CHMP7: variants seen among roughly 807,000 people sequenced by gnomAD.
CHMP7 encodes charged multivesicular body protein 7.
Under a neutral mutation model 53.7 loss-of-function variants are expected in CHMP7, and 15 were observed. The observed-to-expected ratio is 0.28, with a 90% confidence interval of 0.19 to 0.43. The LOEUF is 0.43. Ranked by LOEUF, CHMP7 falls within the 20% of genes least tolerant of loss-of-function variation. The pLI, the probability that CHMP7 is intolerant of heterozygous loss-of-function variation, is 1.00. For synonymous variants in CHMP7, 261 were observed against 228.0 expected (o/e 1.14, Z -1.30); for missense variants, 527 against 569.4 (o/e 0.93, Z 0.76).
At chr8:23,258,963 A>G in intron 8 of CHMP7, 103 bp from the exon 9 acceptor site, 1 of 1,056,202 alleles carries the variant, frequency 9.5e-7, no homozygotes, top group Admixed American at 1.7e-5. Context: ...CTTGATTCTC[A>G]CTTGGGGCAG....
At chr8:23,252,195 C>CTTTTTTTTTTTTTTT (rs373288680) in intron 3 of CHMP7, among the ~76,000 whole-genome samples, 11,373 of 103,718 alleles carry the variant, frequency 0.11, 2,546 homozygotes, top group Non-Finnish European at 0.18. Context: ...ATTGTGTTAT[C>CTTTTTTTTTTTTTTT]TTTTTTTTTT....
rs1342419355 is a variant in CHMP7, at chr8:23,260,574, T to G, written c.1337T>G (p.Leu446Trp). The change falls in exon 11 of 11, where the codon TTG becomes TGG. Residue 446 changes from leucine (L) to tryptophan (W), a missense_variant. Leu to Trp is a moderately conservative substitution (Grantham distance 61). Coordinates refer to ENST00000397677, the MANE Select transcript of CHMP7 (RefSeq NM_152272.5). ...VPSSKSPKRQ[L>W]EPTLKPL Reference sequence around the variant, plus strand: ...AGCAGTAAATCTCCAAAAAGGCAATTGGAACCGACTCTAAAGCCATTGTAG... The same window carrying G: ...AGCAGTAAATCTCCAAAAAGGCAATGGGAACCGACTCTAAAGCCATTGTAG... The G allele has an allele frequency of 1.2e-6, 2 of 1,613,840 alleles. No homozygotes were observed. Among genetic ancestry groups the G allele is most frequent in the South Asian group, 1.1e-5 (1 of 91,084 alleles).
At position 23,259,102 on chromosome 8, in the gene CHMP7, G is replaced by T; in HGVS notation, c.1096G>T (p.Ala366Ser). The change falls in exon 9 of 11, where the codon GCT becomes TCT. Residue 366 changes from alanine (A) to serine (S), a missense_variant. Physicochemically the swap from Ala to Ser is moderately conservative, Grantham distance 99. Coordinates refer to ENST00000397677, the MANE Select transcript of CHMP7 (RefSeq NM_152272.5). ...DTQDEVSQTL[A>S]GGVTNGLDFD... ...CCAGGATGAAGTTTCTCAGACTCTG[G>T]CTGGTGGGGTAACAAATGGCTTAGG... is the stretch of plus-strand genomic sequence containing the variant. 3 of 1,606,732 alleles carry T rather than the reference G, an allele frequency of 1.9e-6. No homozygotes were observed. Among genetic ancestry groups the T allele is most frequent in the Non-Finnish European group, 2.6e-6 (3 of 1,173,356 alleles).
In CHMP7 at chr8:23,256,894, G is replaced by A. The variant is rs567894597; in HGVS notation, c.791+301G>A. 3.0e-4 allele frequency among the ~76,000 whole-genome samples: 44 copies of A among 146,588 alleles called. No homozygotes were observed. In the South Asian group the frequency reaches 9.3e-3, roughly 31 times the overall value. On this transcript the variant is annotated intron_variant, in intron 5 of 10. Transcript: ENST00000397677. ...TGCAAGCTCCGCCTCCTGGGTTCAC[G>A]CCATTTTCCTGCGCCAGCCTCCCGA...
In CHMP7 at chr8:23,258,424, T is replaced by G; in HGVS notation, c.935T>G (p.Ile312Ser). The change falls in exon 7 of 11, where the codon ATC becomes AGC. Residue 312 changes from isoleucine (I) to serine (S), a missense_variant. Physicochemically the swap from Ile to Ser is moderately radical, Grantham distance 142 (BLOSUM62 -2). Transcript: ENST00000397677. ...ACTGTTCAAGGCATCCTGGACCGGA[T>G]CTATGCCTCCCAGACAGATCAGATG... ...LDTVQGILDR[I>S]YASQTDQMVF... The G allele has an allele frequency of 1.2e-6, 2 of 1,614,056 alleles. No homozygotes were observed. The highest frequency in any genetic ancestry group is 1.7e-6 in the Non-Finnish European group (2 of 1,180,008).
intron 2 of CHMP7, among the ~76,000 whole-genome samples, chr8:23,248,451 C>A (rs944438907): frequency 6.6e-6 from 1 of 152,204 alleles, no homozygotes; most frequent in Non-Finnish European, 1.5e-5. Context: ...TACTTTTGCA[C>A]CAACCTAATA....
chr8:23,248,450 A>G (rs1351964091), intron 2 of CHMP7, among the ~76,000 whole-genome samples: 1 of 152,200 alleles, frequency 6.6e-6, no homozygotes, highest in Non-Finnish European at 1.5e-5. Flanking sequence ...TTACTTTTGC[A>G]CCAACCTAAT....
At position 23,260,992 on chromosome 8, in the gene CHMP7, G is replaced by T. The variant is rs1479434683; in HGVS notation, c.*393G>T. On this transcript the variant is annotated 3_prime_UTR_variant, in exon 11 of 11. Transcript: ENST00000397677. ...GAATCAGTTCCCACTCCCCCCTGCG[G>T]TTTTTTAGAGGGGTTTATCCTGTCG... 3.4e-5 allele frequency: 8 copies of T among 237,118 alleles called. No individual in the cohort carries two copies. Among genetic ancestry groups the T allele is most frequent in the Non-Finnish European group, 5.0e-5 (6 of 120,730 alleles). The allele number at this position is 237,118 out of a possible 1,614,324, so 14.7% of individuals were successfully genotyped here.
intron 2 of CHMP7, chr8:23,248,022 G>C (rs967136764): frequency 1.8e-5 from 8 of 455,574 alleles, no homozygotes; most frequent in Non-Finnish European, 3.1e-5. Flanking sequence ...ATATTGCCCA[G>C]GATGGTCTCG....
rs1801690883 is a variant in CHMP7 at position 23,246,576 on chromosome 8, G to T, written c.-120G>T. On this transcript the variant is annotated 5_prime_UTR_variant, in exon 2 of 11. Transcript: ENST00000397677. Reference sequence around the variant, plus strand: ...CTTATGGAACTTATTTCACGCTCAGGGCGGCGGTGACGTGTGAACGAGAAG... The same window carrying T: ...CTTATGGAACTTATTTCACGCTCAGTGCGGCGGTGACGTGTGAACGAGAAG... The T allele has an allele frequency of 6.3e-6, 5 of 795,048 alleles. No homozygotes were observed. Among genetic ancestry groups the T allele is most frequent in the Non-Finnish European group, 9.8e-6 (5 of 509,360 alleles). 49.2% of individuals were successfully genotyped at this position (795,048 alleles called of 1,614,324 possible).
chr8:23,251,884 A>G lies in CHMP7; in HGVS notation c.471+2503A>G, dbSNP rs151139304. Among the ~76,000 whole-genome samples, 19 of 152,128 alleles carry G rather than the reference A, an allele frequency of 1.2e-4. 1 individual carries two copies. The highest frequency in any genetic ancestry group is 3.4e-3 in the Middle Eastern group (1 of 294). On this transcript the variant is annotated intron_variant, in intron 3 of 10. Coordinates refer to ENST00000397677, the MANE Select transcript of CHMP7 (RefSeq NM_152272.5). The stretch of plus-strand genomic sequence containing the variant: ...CAGAGATCTATGTACTTCTCCCTTT[A>G]TTTTTATGGAATTGATTTTTCGGAA...
chr8:23,246,989 G>C lies in CHMP7; in HGVS notation c.294G>C (p.Leu98=). 6.5e-7 allele frequency: 1 copy of C among 1,531,088 alleles called. No individual in the cohort carries two copies. The highest frequency in any genetic ancestry group is 1.2e-5 in the South Asian group (1 of 83,430). 94.8% of individuals were successfully genotyped at this position (1,531,088 alleles called of 1,614,324 possible). ...GGCTGGCCACGGTGCTGCAGGACCT[G>C]CTGCGGTGAGGGGCGGGCTGGGGCC... is the stretch of plus-strand genomic sequence containing the variant. ...PLGLATVLQD[L]LRRGELQRES... The change falls in exon 2 of 11, where the codon CTG becomes CTC. Residue 98 remains leucine (L), a synonymous_variant. Coordinates refer to ENST00000397677, the MANE Select transcript of CHMP7 (RefSeq NM_152272.5).
In CHMP7 at chr8:23,249,203, C is replaced by T; in HGVS notation, c.300-7C>T. ...CTACTACACGCCCTTCTTTTTCTTC[C>T]CTGCAGTCGAGGGGAGCTGCAGCGG... On this transcript the variant is annotated splice_polypyrimidine_tract_variant and splice_region_variant and intron_variant, in intron 2 of 10. Coordinates refer to ENST00000397677, the MANE Select transcript of CHMP7 (RefSeq NM_152272.5). 6.4e-7 allele frequency: 1 copy of T among 1,564,578 alleles called. No individual in the cohort carries two copies. Among genetic ancestry groups the T allele is most frequent in the Non-Finnish European group, 8.6e-7 (1 of 1,158,550 alleles).
intron 2 of CHMP7, among the ~76,000 whole-genome samples, chr8:23,248,974 C>A (rs1283662533): frequency 6.6e-6 from 1 of 152,194 alleles, no homozygotes; most frequent in African/African-American, 2.4e-5. Flanking sequence ...CCTTCTGAGT[C>A]CCTCAGTTTT....
intron 2 of CHMP7, among the ~76,000 whole-genome samples, chr8:23,248,773 T>C (rs1159685857): frequency 6.6e-6 from 1 of 152,238 alleles, no homozygotes; most frequent in East Asian, 1.9e-4. Context: ...AGTCCTTCTC[T>C]GTACATCTTT....
At chr8:23,250,824 T>A (rs1801898357) in intron 3 of CHMP7, among the ~76,000 whole-genome samples, 1 of 152,126 alleles carries the variant, frequency 6.6e-6, no homozygotes, top group Non-Finnish European at 1.5e-5. Context: ...AAGCACCCAT[T>A]TCTCCTCACC....
rs560029874 is a variant in CHMP7, at chr8:23,251,519, A to G, written c.471+2138A>G. Among the ~76,000 whole-genome samples, 9 of 152,322 alleles carry G rather than the reference A, an allele frequency of 5.9e-5. No individual in the cohort carries two copies. In the East Asian group the frequency reaches 1.7e-3, roughly 29 times the overall value. On this transcript the variant is annotated intron_variant, in intron 3 of 10. Transcript: ENST00000397677. ...TTTCCTACTAGAAGGGAACAGTGCC[A>G]TGGGCCCTGGGACCCTGGGAGCAGT... is the stretch of plus-strand genomic sequence containing the variant.
chr8:23,261,229 C>T lies in CHMP7; in HGVS notation c.*630C>T, dbSNP rs1325282416. 2 of 153,248 alleles carry T rather than the reference C, an allele frequency of 1.3e-5. No individual in the cohort carries two copies. The highest frequency in any genetic ancestry group is 2.4e-5 in the African/African-American group (1 of 41,416). The allele number at this position is 153,248 out of a possible 1,614,324, so 9.5% of individuals were successfully genotyped here. A position where few individuals can be genotyped will look rare whatever the true frequency, so the allele number is the denominator to read the frequency against. Reference sequence around the variant, plus strand: ...CAAGTGGCCCAGAGTCGTGACAGTCCGGAGGGGCTGGTGTGGCCGGTGGGC... The same window carrying T: ...CAAGTGGCCCAGAGTCGTGACAGTCTGGAGGGGCTGGTGTGGCCGGTGGGC... On this transcript the variant is annotated 3_prime_UTR_variant, in exon 11 of 11. Coordinates refer to ENST00000397677, the MANE Select transcript of CHMP7 (RefSeq NM_152272.5).
intron 2 of CHMP7, among the ~76,000 whole-genome samples, chr8:23,248,867 C>G (rs1055128158): frequency 6.6e-6 from 1 of 152,168 alleles, no homozygotes; most frequent in Non-Finnish European, 1.5e-5. Flanking sequence ...GAGATCTCAC[C>G]GAAGGCCCAG....
Sources: allele counts gnomAD v4.1 joint callset (sites outside exome capture counted in the v4.1 genomes callset), GRCh38; gene constraint gnomAD v4.1.1; transcripts MANE v1.5; gene names NCBI Gene and HGNC (gene_info 2026-07-23, HGNC 2026-07-21).